The following RBM26 variants were observed in gnomAD, a reference collection of about 807,000 sequenced individuals.
RBM26 encodes the protein RNA-binding protein 26.
Under a neutral mutation model 123.6 loss-of-function variants are expected in RBM26, and 30 were observed. The ratio of observed to expected loss-of-function variants is 0.24; its 90% CI spans 0.18 to 0.33. The LOEUF (loss-of-function observed/expected upper bound fraction) is 0.33. Among genes scored for constraint, RBM26 ranks in the 10% least tolerant of loss-of-function variants. The pLI is 1.00. For missense variants in RBM26, 947 were observed against 1,203.6 expected (o/e 0.79, Z 3.15); for synonymous variants, 400 against 404.4 (o/e 0.99, Z 0.13).
chr13:79,321,081 C>A (rs1251301065), intron 21 of RBM26, among the ~76,000 whole-genome samples: 1 of 151,312 alleles, frequency 6.6e-6, no homozygotes, highest in East Asian at 1.9e-4. Flanking sequence ...ATACTAAAAT[C>A]AACCAATGAC....
chr13:79,323,125 C>G (rs1004443825), intron 20 of RBM26, among the ~76,000 whole-genome samples: 2 of 151,286 alleles, frequency 1.3e-5, no homozygotes, highest in African/African-American at 4.8e-5. Flanking sequence ...GAATATAAAA[C>G]GTGAACTTAA....
chr13:79,400,152 C>A (rs910029701), intron 1 of RBM26, among the ~76,000 whole-genome samples: 2 of 152,012 alleles, frequency 1.3e-5, no homozygotes, highest in Non-Finnish European at 2.9e-5. Context: ...AATATACACT[C>A]CAAAAAAAGT....
downstream of RBM26, chr13:79,318,698 A>T: frequency 1.5e-6 from 1 of 655,000 alleles, no homozygotes; most frequent in Non-Finnish European, 1.9e-6. Flanking sequence ...ATTTTCAGTT[A>T]CATTGTAAGG....
chr13:79,338,337 C>T (rs997151905), intron 18 of RBM26, among the ~76,000 whole-genome samples: 12 of 148,340 alleles, frequency 8.1e-5, no homozygotes, highest in African/African-American at 2.5e-4. Context: ...CTAGAATGTA[C>T]GTTCCCTCAA....
chr13:79,379,189 A>G (rs1594555899), intron 1 of RBM26, among the ~76,000 whole-genome samples: 1 of 152,146 alleles, frequency 6.6e-6, no homozygotes, highest in South Asian at 2.1e-4. Flanking sequence ...AGGAATTCAG[A>G]TTTTATAAAA....
chr13:79,369,083 GA>G (rs977351303), intron 5 of RBM26, 93 bp from the exon 6 acceptor site: 9 of 783,992 alleles, frequency 1.1e-5, no homozygotes, highest in South Asian at 7.6e-5. Context: ...TATAAACATA[GA>G]AAAAAAATTT....
chr13:79,338,802 C>G (rs1296782379), intron 18 of RBM26, among the ~76,000 whole-genome samples: 1 of 152,116 alleles, frequency 6.6e-6, no homozygotes, highest in African/African-American at 2.4e-5. Flanking sequence ...GTCTGGACTA[C>G]AGTAGTGGCA....
At chr13:79,386,545 T>C (rs1227674349) in intron 1 of RBM26, among the ~76,000 whole-genome samples, 1 of 141,450 alleles carries the variant, frequency 7.1e-6, no homozygotes, top group East Asian at 2.1e-4. Context: ...CCCAGATAGT[T>C]GTGGTTATAA....
chr13:79,379,615 A>G (rs1199791157), intron 1 of RBM26, among the ~76,000 whole-genome samples: 3 of 151,990 alleles, frequency 2.0e-5, no homozygotes, highest in African/African-American at 7.2e-5. Context: ...AACATGTCAG[A>G]GGAAAACACA....
rs552868070 is a variant in RBM26, at chr13:79,367,765, T to C, written c.896-893A>G. Among the ~76,000 whole-genome samples the C allele has an allele frequency of 4.6e-5, 7 of 152,246 alleles. No homozygotes were observed. In the East Asian group the frequency reaches 1.4e-3, roughly 29 times the overall value. ...GAACCATGAGCCAAAGACACCTCTTTTCTTTATAAATTTCCCAGGCTCAGG... is the reference window on the plus strand; with the variant it reads ...GAACCATGAGCCAAAGACACCTCTTCTCTTTATAAATTTCCCAGGCTCAGG... On this transcript the variant is annotated intron_variant, in intron 6 of 21. Coordinates refer to ENST00000438737, the MANE Select transcript of RBM26 (RefSeq NM_001366735.2).
intron 20 of RBM26, among the ~76,000 whole-genome samples, chr13:79,323,901 T>C (rs184010249): frequency 1.3e-5 from 2 of 151,916 alleles, no homozygotes; most frequent in East Asian, 3.9e-4. Flanking sequence ...GTAAATTTAC[T>C]CAGGAAAACT....
intron 3 of RBM26, among the ~76,000 whole-genome samples, chr13:79,373,452 TAAATATATATAATATGTATAAATATAC>T (rs1160479261): frequency 0.069 from 5,762 of 83,874 alleles, 616 homozygotes; most frequent in East Asian, 0.19. Context: ...ATATTATATA[TAAATATATATAATATGTATAAATATAC>T]AAATATATAT....
intron 17 of RBM26, among the ~76,000 whole-genome samples, chr13:79,342,054 TATATTG>T (rs2071471758): frequency 6.6e-6 from 1 of 151,840 alleles, no homozygotes; most frequent in Non-Finnish European, 1.5e-5. Flanking sequence ...TTAATAATAA[TATATTG>T]ATATTAGTGG....
chr13:79,389,785 T>C (rs938760349), intron 1 of RBM26, among the ~76,000 whole-genome samples: 7 of 152,192 alleles, frequency 4.6e-5, no homozygotes, highest in Admixed American at 3.9e-4. Flanking sequence ...ATACAGGAAG[T>C]ACTTAAATAA....
intron 1 of RBM26, among the ~76,000 whole-genome samples, chr13:79,402,366 T>C (rs1815643897): frequency 1.3e-5 from 2 of 151,886 alleles, no homozygotes; most frequent in Non-Finnish European, 2.9e-5. Flanking sequence ...CCCTGATACA[T>C]GTACAGAAGT....
rs1336862991 is a variant in RBM26, at chr13:79,378,789, C to T, written c.190G>A (p.Glu64Lys). 6.5e-7 allele frequency: 1 copy of T among 1,548,672 alleles called. No homozygotes were observed. The highest frequency in any genetic ancestry group is 8.9e-7 in the Non-Finnish European group (1 of 1,127,542). The change falls in exon 2 of 22, where the codon GAG becomes AAG. Residue 64 changes from glutamate to lysine, a missense_variant and splice_region_variant. This residue lies in a region of RBM26 where 275 missense variants were observed against 361.0 expected (regional missense o/e 0.76). Coordinates refer to ENST00000438737, the MANE Select transcript of RBM26 (RefSeq NM_001366735.2). ...AGTATTTTTAAACCAAAGATCTTAC[C>T]TTTCTGAAGAAATACATCCAGCTGA... is the stretch of plus-strand genomic sequence containing the variant. ...IDQLDVFLQK[E>K]TQIFVEKLFD...
chr13:79,366,268 T>C (rs1167587801), intron 7 of RBM26, 73 bp from the exon 8 acceptor site: 1 of 1,453,256 alleles, frequency 6.9e-7, no homozygotes, highest in Admixed American at 2.0e-5. Context: ...CATCCGAACA[T>C]AATCTTCTCA....
intron 6 of RBM26, among the ~76,000 whole-genome samples, chr13:79,367,761 T>C (rs114957157): frequency 6.6e-6 from 1 of 152,046 alleles, no homozygotes; most frequent in Non-Finnish European, 1.5e-5. Flanking sequence ...CAAAGACACC[T>C]CTTTTCTTTA....
chr13:79,390,900 T>C (rs1217163038), intron 1 of RBM26, among the ~76,000 whole-genome samples: 1 of 152,120 alleles, frequency 6.6e-6, no homozygotes, highest in East Asian at 1.9e-4. Context: ...AAGAGAATAG[T>C]GTAAAAGATA....
Sources: allele counts gnomAD v4.1 joint callset (sites outside exome capture counted in the v4.1 genomes callset), GRCh38; gene constraint gnomAD v4.1.1; regional missense constraint gnomAD v4.1.1; transcripts MANE v1.5; gene names NCBI Gene and HGNC (gene_info 2026-07-23, HGNC 2026-07-21).